Variants in CRABP1 observed in about 807,000 individuals in gnomAD.
The protein encoded by CRABP1 is cellular retinoic acid binding protein 1, also known as cellular retinoic acid-binding protein 1.
Under a neutral mutation model 16.4 loss-of-function variants are expected in CRABP1, and 9 were observed. The ratio of observed to expected loss-of-function variants is 0.55; its 90% CI spans 0.33 to 0.96. CRABP1 has a LOEUF of 0.96. Among genes scored for constraint, CRABP1 ranks in the 40% least tolerant of loss-of-function variants. The pLI, the probability that CRABP1 is intolerant of heterozygous loss-of-function variation, is 0.03. For missense variants in CRABP1, 157 were observed against 186.0 expected, an observed-to-expected ratio of 0.84 and a Z score of 0.91; for synonymous variants, 72 against 70.4, an observed-to-expected ratio of 1.02 and a Z score of -0.11.
intron 3 of CRABP1, among the ~76,000 whole-genome samples, chr15:78,346,724 T>C (rs1025506682): frequency 4.6e-5 from 7 of 152,200 alleles, no homozygotes; most frequent in Non-Finnish European, 8.8e-5. Flanking sequence ...GGACTTGAAC[T>C]ATTTCCCTGA....
At chr15:78,344,749 C>CAA (rs34209403) in intron 3 of CRABP1, among the ~76,000 whole-genome samples, 464 of 96,870 alleles carry the variant, frequency 4.8e-3, no homozygotes, top group Middle Eastern at 0.025. Context: ...CCTATCTCTA[C>CAA]AAAAAAAAAA....
At chr15:78,343,940 C>T (rs1361453258) in intron 3 of CRABP1, among the ~76,000 whole-genome samples, 1 of 152,214 alleles carries the variant, frequency 6.6e-6, no homozygotes, top group African/African-American at 2.4e-5. Context: ...TGCTTAGGCT[C>T]TATGAGGTCC....
At chr15:78,345,401 T>C (rs2050259637) in intron 3 of CRABP1, among the ~76,000 whole-genome samples, 1 of 152,190 alleles carries the variant, frequency 6.6e-6, no homozygotes, top group Non-Finnish European at 1.5e-5. Context: ...CTGGTTAATA[T>C]TGTTTCCAGG....
chr15:78,342,231 T>A (rs983046813), intron 2 of CRABP1, among the ~76,000 whole-genome samples: 1 of 152,078 alleles, frequency 6.6e-6, no homozygotes, highest in African/African-American at 2.4e-5. Flanking sequence ...GGGTGGGATC[T>A]GAAGCCTAAA....
chr15:78,340,581 G>A, intron 1 of CRABP1, 83 bp downstream of exon 1: 1 of 1,503,592 alleles, frequency 6.7e-7, no homozygotes, highest in Non-Finnish European at 9.0e-7. Flanking sequence ...GGTCCTGGAG[G>A]GGGTGGAAGT....
chr15:78,343,074 C>T (rs1483756150), intron 2 of CRABP1, among the ~76,000 whole-genome samples: 1 of 151,838 alleles, frequency 6.6e-6, no homozygotes, highest in Non-Finnish European at 1.5e-5. Context: ...AAGATTGTGC[C>T]ACTGCACTCC....
intron 1 of CRABP1, 25 bp downstream of exon 1, chr15:78,340,523 C>A: frequency 6.3e-7 from 1 of 1,597,578 alleles, no homozygotes; most frequent in South Asian, 1.1e-5. Context: ...AGGGCGCGCC[C>A]CGACGGGGAG....
rs578042143 is a variant in CRABP1 at position 78,341,145 on chromosome 15, C to T, written c.173C>T (p.Thr58Met). The T allele has an allele frequency of 1.4e-5, 22 of 1,612,780 alleles. No homozygotes were observed. The highest frequency in any genetic ancestry group is 4.5e-5 in the East Asian group (2 of 44,850). The part of the protein sequence containing the change: ...GDQFYIKTST[T>M]VRTTEINFKV... Reference sequence around the variant, plus strand: ...CAGTTCTACATCAAGACATCCACCACGGTGCGCACCACTGAGATCAACTTC... The same window carrying T: ...CAGTTCTACATCAAGACATCCACCATGGTGCGCACCACTGAGATCAACTTC... The change falls in exon 2 of 4, where the codon ACG becomes ATG. Residue 58 changes from threonine (T) to methionine (M), a missense_variant. Coordinates refer to ENST00000299529, the MANE Select transcript of CRABP1 (RefSeq NM_004378.3). This position sits in a 1 kb window ranked among gnomAD's most constrained non-coding sequence, Gnocchi z 5.3.
At position 78,348,144 on chromosome 15, in the gene CRABP1, T is replaced by G. The variant is rs2050277941; in HGVS notation, c.*167T>G. The G allele has an allele frequency of 3.1e-5, 19 of 610,484 alleles. No individual in the cohort carries two copies. The highest frequency in any genetic ancestry group is 5.6e-5 in the East Asian group (2 of 35,722). The allele number at this position is 610,484 out of a possible 1,614,324, so 37.8% of individuals were successfully genotyped here. On this transcript the variant is annotated 3_prime_UTR_variant, in exon 4 of 4. Coordinates refer to ENST00000299529, the MANE Select transcript of CRABP1 (RefSeq NM_004378.3). The stretch of plus-strand genomic sequence containing the variant: ...TCCCCCACCCCCACCCCCCAGGCCT[T>G]GGTGCCTCTTGTATCCCTAGTGCTC...
At chr15:78,343,638 A>G (rs1316940196) in intron 3 of CRABP1, 26 bp downstream of exon 3, 2 of 1,599,202 alleles carry the variant, frequency 1.3e-6, no homozygotes, top group Admixed American at 1.7e-5. Context: ...CCCTGAAATA[A>G]TCCTGAAGTT....
intron 2 of CRABP1, among the ~76,000 whole-genome samples, chr15:78,342,958 C>T (rs2050243150): frequency 6.6e-6 from 1 of 151,614 alleles, no homozygotes; most frequent in African/African-American, 2.4e-5. Context: ...CTAAATATAC[C>T]AAAAAAATTA....
rs562843603 is a variant in CRABP1 at position 78,347,785 on chromosome 15, G to A, written c.364-142G>A. 30 of 766,036 alleles carry A rather than the reference G, an allele frequency of 3.9e-5. 1 individual carries two copies. In the South Asian group the frequency reaches 4.6e-4, roughly 12 times the overall value. 47.5% of individuals were successfully genotyped at this position (766,036 alleles called of 1,614,324 possible). ...GGGAAAAAATATCCCTTAATGCTTAGCCTGAGCACACACACAGGAAATTGA... is the reference window on the plus strand; with the variant it reads ...GGGAAAAAATATCCCTTAATGCTTAACCTGAGCACACACACAGGAAATTGA... On this transcript the variant is annotated intron_variant, in intron 3 of 3. Transcript: ENST00000299529.
intron 3 of CRABP1, among the ~76,000 whole-genome samples, chr15:78,343,820 G>T (rs978664899): frequency 2.0e-5 from 3 of 152,212 alleles, no homozygotes; most frequent in African/African-American, 7.2e-5. Context: ...TGGCTCAGAG[G>T]ATGGAATAGG....
At chr15:78,343,428 A>G in intron 2 of CRABP1, 71 bp from the exon 3 acceptor site, 1 of 1,177,280 alleles carries the variant, frequency 8.5e-7, no homozygotes, top group Non-Finnish European at 1.3e-6. Context: ...TTATTTTTCA[A>G]TGCTCATTGT....
At chr15:78,342,993 T>A (rs1345334572) in intron 2 of CRABP1, among the ~76,000 whole-genome samples, 1 of 152,114 alleles carries the variant, frequency 6.6e-6, no homozygotes. Flanking sequence ...CAGGCACCTG[T>A]CATCCCAGCT....
Position 78,347,912 on chromosome 15 carries a change from T to A in CRABP1, c.364-15T>A, listed in dbSNP as rs759390845. On this transcript the variant is annotated splice_polypyrimidine_tract_variant and intron_variant, in intron 3 of 3. Transcript: ENST00000299529. ...CATCTGCACTGATTGGTTTTCCTTT[T>A]CTTCTTCTCTGCAGACGTTTGGCGC... 4.3e-6 allele frequency: 7 copies of A among 1,613,998 alleles called. No individual in the cohort carries two copies. In the South Asian group the frequency reaches 4.4e-5, roughly 10 times the overall value.
At chr15:78,347,828 T>G (rs2050274878) in intron 3 of CRABP1, 99 bp from the exon 4 acceptor site, 1 of 1,110,686 alleles carries the variant, frequency 9.0e-7, no homozygotes, top group African/African-American at 1.6e-5. Flanking sequence ...TTACAAAGAG[T>G]TTTTAACAGG....
rs1419004948 is a variant in CRABP1, at chr15:78,340,401, C to G, written c.-28C>G. ...GTGTGCCCGCTGCGCCGCCGCTGTC[C>G]GTACCTGCCGCCGCCGCCACCGCCA... On this transcript the variant is annotated 5_prime_UTR_variant, in exon 1 of 4. Coordinates refer to ENST00000299529, the MANE Select transcript of CRABP1 (RefSeq NM_004378.3). 6 of 1,572,902 alleles carry G rather than the reference C, an allele frequency of 3.8e-6. No individual in the cohort carries two copies. Among genetic ancestry groups the G allele is most frequent in the Non-Finnish European group, 5.2e-6 (6 of 1,160,642 alleles).
At position 78,343,503 on chromosome 15, in the gene CRABP1, T is replaced by TA. The variant is rs762301797; in HGVS notation, c.255dup (p.Ala86SerfsTer6). 1 of 1,613,970 alleles carries TA rather than the reference T, an allele frequency of 6.2e-7. No homozygotes were observed. Among genetic ancestry groups the TA allele is most frequent in the Non-Finnish European group, 8.5e-7 (1 of 1,179,878 alleles). ...TAATGGTTTTCCCGCCTGCAGAGTT[T>TA]AGCCACTTGGGAGAATGAGAACAAG... On this transcript the variant is annotated frameshift_variant, in exon 3 of 4. Transcript: ENST00000299529. LOFTEE classifies it high-confidence loss of function.
Sources: gnomAD v4.1 joint callset for allele counts (sites outside exome capture counted in the v4.1 genomes callset) on GRCh38, gnomAD v4.1.1 for gene constraint, Gnocchi (gnomAD v3.1) non-coding constraint, MANE v1.5 for transcripts, NCBI Gene and HGNC (gene_info 2026-07-23, HGNC 2026-07-21) for gene names.